Variants in DIS3L2 observed in about 807,000 individuals in gnomAD.
DIS3L2 encodes the protein DIS3 like 3'-5' exoribonuclease 2.
Under a neutral mutation model 97.5 loss-of-function variants are expected in DIS3L2, and 34 were observed. The ratio of observed to expected loss-of-function variants is 0.35; its 90% confidence interval spans 0.27 to 0.46. The LOEUF (loss-of-function observed/expected upper bound fraction) is 0.46. Ranked by LOEUF, DIS3L2 falls within the 20% of genes least tolerant of loss-of-function variation. The pLI is 1.00. For synonymous variants in DIS3L2, 435 were observed against 445.2 expected, an observed-to-expected ratio of 0.98 and a Z score of 0.29; for missense variants, 1,038 against 1,146.0, an observed-to-expected ratio of 0.91 and a Z score of 1.36.
chr2:232,237,593 T>A (rs1692967326), intron 10 of DIS3L2, among the ~76,000 whole-genome samples: 1 of 151,818 alleles, frequency 6.6e-6, no homozygotes, highest in Admixed American at 6.6e-5. Context: ...TGCCGTGATA[T>A]CTGGTAGTGA....
intron 14 of DIS3L2, among the ~76,000 whole-genome samples, chr2:232,303,411 CT>C (rs1443885068): frequency 6.6e-6 from 1 of 152,184 alleles, no homozygotes; most frequent in Non-Finnish European, 1.5e-5. Flanking sequence ...TTGTCTCAGG[CT>C]AAGTAACATG....
At chr2:232,247,468 CT>C (rs1208477566) in intron 11 of DIS3L2, among the ~76,000 whole-genome samples, 1 of 151,992 alleles carries the variant, frequency 6.6e-6, no homozygotes, top group Admixed American at 6.6e-5. Flanking sequence ...CAGAGAGAGA[CT>C]TGTGTCTCTT....
At chr2:231,974,237 A>G (rs1466877316) in intron 1 of DIS3L2, among the ~76,000 whole-genome samples, 1 of 152,146 alleles carries the variant, frequency 6.6e-6, no homozygotes, top group Non-Finnish European at 1.5e-5. Context: ...CATAGGGGCC[A>G]AAAAGGGACA....
intron 5 of DIS3L2, among the ~76,000 whole-genome samples, chr2:232,073,150 T>A (rs73001147): frequency 0.011 from 1,718 of 152,322 alleles, 19 homozygotes; most frequent in Non-Finnish European, 0.016. Flanking sequence ...GGCTTCAAGG[T>A]GTTTCCTGAA....
chr2:232,250,037 G>A (rs1693377067), intron 12 of DIS3L2, among the ~76,000 whole-genome samples: 1 of 152,124 alleles, frequency 6.6e-6, no homozygotes, highest in Non-Finnish European at 1.5e-5. Flanking sequence ...CATAGGGAAC[G>A]GCAGGAGAGA....
rs1176890828 is a variant in DIS3L2, at chr2:232,293,779, T to C, written c.1660-6261T>C. ...CTGGGCTGTGTTGAATTCACTTTCATATCTCCAAAAGCAGGAAGCCGTCAA... is the reference window on the plus strand; with the variant it reads ...CTGGGCTGTGTTGAATTCACTTTCACATCTCCAAAAGCAGGAAGCCGTCAA... On this transcript the variant is annotated intron_variant, in intron 13 of 20. Transcript: ENST00000325385. This position sits in a 1 kb window ranked among gnomAD's most constrained non-coding sequence, Gnocchi z 4.6. Among the ~76,000 whole-genome samples, 1 of 152,192 alleles carries C rather than the reference T, an allele frequency of 6.6e-6. No individual in the cohort carries two copies. The highest frequency in any genetic ancestry group is 1.5e-5 in the Non-Finnish European group (1 of 68,038).
chr2:232,270,200 G>A (rs939575188), intron 13 of DIS3L2, among the ~76,000 whole-genome samples: 2 of 152,046 alleles, frequency 1.3e-5, no homozygotes, highest in Admixed American at 1.3e-4. Context: ...TCTTCCTTTA[G>A]GAAGGAAGCT....
intron 9 of DIS3L2, among the ~76,000 whole-genome samples, chr2:232,169,046 T>C (rs2054845): frequency 0.78 from 119,262 of 152,034 alleles, 47,406 homozygotes; most frequent in African/African-American, 0.9. Context: ...ATGAAACTAT[T>C]AAGCAGTAGT....
At chr2:232,299,880 T>C (rs888981241) in intron 13 of DIS3L2, among the ~76,000 whole-genome samples, 160 bp from the exon 14 acceptor site, 2 of 152,246 alleles carry the variant, frequency 1.3e-5, no homozygotes, top group African/African-American at 4.8e-5. Flanking sequence ...GGGGTCCTTG[T>C]AAGGTGTGGG....
chr2:231,968,211 C>T (rs1413162605), intron 1 of DIS3L2, among the ~76,000 whole-genome samples: 2 of 151,850 alleles, frequency 1.3e-5, no homozygotes, highest in African/African-American at 4.8e-5. Flanking sequence ...CATTCTCCTG[C>T]CTCAGTCTCC....
intron 16 of DIS3L2, 65 bp downstream of exon 16, chr2:232,330,841 T>C: frequency 6.7e-7 from 1 of 1,496,624 alleles, no homozygotes; most frequent in South Asian, 1.1e-5. Context: ...ACCTGTGACC[T>C]CCACGTGCAA....
chr2:232,338,985 A>G (rs1194704641), downstream of DIS3L2, among the ~76,000 whole-genome samples: 1 of 152,208 alleles, frequency 6.6e-6, no homozygotes, highest in Non-Finnish European at 1.5e-5. Context: ...CACCAACCTC[A>G]TTCCATGACC....
At chr2:232,039,495 G>T (rs186800536) in intron 5 of DIS3L2, among the ~76,000 whole-genome samples, 1 of 152,112 alleles carries the variant, frequency 6.6e-6, no homozygotes, top group Non-Finnish European at 1.5e-5. Context: ...AAAAACAACA[G>T]TTCTTTTCGT....
At chr2:232,340,801 A>C (rs1696086099), downstream of DIS3L2, 1 of 471,314 alleles carries the variant, frequency 2.1e-6, no homozygotes, top group African/African-American at 2.0e-5. Context: ...CTCAGTCTGC[A>C]AGCCCCTTGG....
intron 13 of DIS3L2, among the ~76,000 whole-genome samples, chr2:232,264,592 G>C (rs72998121): frequency 0.012 from 1,819 of 152,164 alleles, 17 homozygotes; most frequent in Non-Finnish European, 0.018. Flanking sequence ...GTGTGCTCTG[G>C]GAAGTTTCCA....
At chr2:232,143,774 T>C (rs1384945261) in intron 8 of DIS3L2, among the ~76,000 whole-genome samples, 1 of 152,092 alleles carries the variant, frequency 6.6e-6, no homozygotes, top group African/African-American at 2.4e-5. Flanking sequence ...TGAACCAGAT[T>C]AAGAAGTATA....
At chr2:232,245,151 C>T (rs1489811326) in intron 11 of DIS3L2, among the ~76,000 whole-genome samples, 2 of 152,216 alleles carry the variant, frequency 1.3e-5, no homozygotes, top group Non-Finnish European at 2.9e-5. Flanking sequence ...TAATGATAGC[C>T]AGGAGTTTCC....
chr2:232,181,163 G>T (rs1435862506), intron 9 of DIS3L2, among the ~76,000 whole-genome samples: 1 of 145,866 alleles, frequency 6.9e-6, no homozygotes, highest in Non-Finnish European at 1.5e-5. Flanking sequence ...GGCTTGTAGG[G>T]TTTCTGCCGA....
chr2:231,975,224 C>T (rs1693048485), intron 1 of DIS3L2, among the ~76,000 whole-genome samples: 1 of 152,108 alleles, frequency 6.6e-6, no homozygotes, highest in Non-Finnish European at 1.5e-5. Flanking sequence ...CTGACCAGGC[C>T]CTTCAGGGGA....
Sources: allele counts gnomAD v4.1 joint callset (sites outside exome capture counted in the v4.1 genomes callset), GRCh38; gene constraint gnomAD v4.1.1; non-coding constraint Gnocchi (gnomAD v3.1); transcripts MANE v1.5; gene names NCBI Gene and HGNC (gene_info 2026-07-23, HGNC 2026-07-21).